Variants in TMEM117 observed in about 807,000 individuals in gnomAD.
The protein encoded by TMEM117 is transmembrane protein 117.
TMEM117 carries 27 observed loss-of-function variants against 52.4 expected under a neutral mutation model. That is an observed-to-expected ratio of 0.51 (90% confidence interval 0.38 to 0.71). TMEM117 has a LOEUF of 0.71. Among genes scored for constraint, TMEM117 ranks in the 30% least tolerant of loss-of-function variants. The probability of loss-of-function intolerance (pLI) is 0.00; values close to 1 mark genes in which losing one functional copy is unlikely to be tolerated. For synonymous variants in TMEM117, 215 were observed against 206.3 expected, an observed-to-expected ratio of 1.04 and a Z score of -0.36; for missense variants, 556 against 630.5, an observed-to-expected ratio of 0.88 and a Z score of 1.26.
At chr12:44,078,862 A>ACACCCCCCCC (rs1947428078) in intron 3 of TMEM117, among the ~76,000 whole-genome samples, 1 of 56,480 alleles carries the variant, frequency 1.8e-5, no homozygotes, top group Non-Finnish European at 3.4e-5. Flanking sequence ...CTCCCCTAGC[A>ACACCCCCCCC]CCCCCCCACC....
intron 2 of TMEM117, among the ~76,000 whole-genome samples, chr12:43,882,151 T>A (rs1370326623): frequency 6.6e-6 from 1 of 152,090 alleles, no homozygotes. Context: ...TAAAATTATG[T>A]GTGAAGCTTG....
chr12:43,838,254 G>A (rs1943063927), intron 1 of TMEM117, among the ~76,000 whole-genome samples: 1 of 151,908 alleles, frequency 6.6e-6, no homozygotes, highest in Non-Finnish European at 1.5e-5. Context: ...ACTGGTCTGT[G>A]TGTATGTGTA....
intron 6 of TMEM117, among the ~76,000 whole-genome samples, chr12:44,345,688 C>T (rs780966616): frequency 3.3e-5 from 5 of 152,042 alleles, no homozygotes; most frequent in Admixed American, 6.6e-5. Flanking sequence ...TTAAAAAGAA[C>T]GCTAATTGCT....
the TMEM117 span, chr12:43,804,105 C>A: frequency 3.3e-6 from 1 of 306,732 alleles, no homozygotes; most frequent in Non-Finnish European, 6.7e-6. Context: ...GTTTGATATC[C>A]TTTGTTTATA....
At chr12:44,351,978 G>A (rs927285215) in intron 6 of TMEM117, among the ~76,000 whole-genome samples, 1 of 151,764 alleles carries the variant, frequency 6.6e-6, no homozygotes, top group South Asian at 2.1e-4. Context: ...CCCAGCAATC[G>A]CCCTCAGTAC....
intron 4 of TMEM117, among the ~76,000 whole-genome samples, chr12:44,146,156 A>G (rs981421199): frequency 6.6e-6 from 1 of 152,150 alleles, no homozygotes; most frequent in Non-Finnish European, 1.5e-5. Flanking sequence ...TTGGATTTCT[A>G]TTCTGCACTT....
intron 5 of TMEM117, among the ~76,000 whole-genome samples, chr12:44,274,006 A>G (rs1950481715): frequency 6.6e-6 from 1 of 152,184 alleles, no homozygotes; most frequent in South Asian, 2.1e-4. Context: ...CCAAATTGGA[A>G]TGGAATAAGT....
intron 3 of TMEM117, among the ~76,000 whole-genome samples, chr12:44,064,912 AG>A (rs780532670): frequency 2.6e-4 from 40 of 152,148 alleles, no homozygotes; most frequent in Non-Finnish European, 4.3e-4. Context: ...CATACAAAAA[AG>A]GGGGGGTAAC....
At chr12:44,370,420 T>C (rs879539436) in intron 6 of TMEM117, among the ~76,000 whole-genome samples, 1 of 152,132 alleles carries the variant, frequency 6.6e-6, no homozygotes, top group Non-Finnish European at 1.5e-5. Flanking sequence ...GTATAACGTT[T>C]ATTTACAAAA....
downstream of TMEM117, among the ~76,000 whole-genome samples, chr12:44,391,351 C>T (rs762508595): frequency 6.6e-6 from 1 of 152,150 alleles, no homozygotes; most frequent in Non-Finnish European, 1.5e-5. Context: ...CCCATGGTAG[C>T]TACTTATGTT....
intron 6 of TMEM117, among the ~76,000 whole-genome samples, chr12:44,312,779 T>C (rs1039434550): frequency 7.2e-5 from 11 of 151,854 alleles, no homozygotes; most frequent in Non-Finnish European, 1.0e-4. Flanking sequence ...GCATCTGTTA[T>C]TTATTTTTAT....
At chr12:44,125,492 T>C (rs778770977) in intron 3 of TMEM117, among the ~76,000 whole-genome samples, 2 of 152,102 alleles carry the variant, frequency 1.3e-5, no homozygotes, top group African/African-American at 2.4e-5. Flanking sequence ...TTCTAGTTTA[T>C]GTGTTAGAAG....
At chr12:43,971,855 T>C (rs1468842265) in intron 3 of TMEM117, among the ~76,000 whole-genome samples, 2 of 152,258 alleles carry the variant, frequency 1.3e-5, no homozygotes, top group African/African-American at 4.8e-5. Flanking sequence ...GTCTAGAACC[T>C]AATCATCTTG....
At chr12:44,196,479 T>C (rs1157272021) in intron 4 of TMEM117, among the ~76,000 whole-genome samples, 2 of 152,008 alleles carry the variant, frequency 1.3e-5, no homozygotes, top group East Asian at 3.9e-4. Flanking sequence ...ATCAGAAAAG[T>C]AAAATGAAAA....
the TMEM117 span, among the ~76,000 whole-genome samples, chr12:44,396,522 T>G: frequency 6.6e-6 from 1 of 152,136 alleles, no homozygotes; most frequent in Non-Finnish European, 1.5e-5. Context: ...AAAATTTGAC[T>G]GAATAACTAC....
chr12:43,933,541 T>C (rs1158705212), intron 2 of TMEM117, among the ~76,000 whole-genome samples: 1 of 151,808 alleles, frequency 6.6e-6, no homozygotes, highest in East Asian at 1.9e-4. Context: ...ATACTTTCTA[T>C]CTCATTGCCC....
chr12:44,203,373 T>C (rs1016666146), intron 4 of TMEM117, among the ~76,000 whole-genome samples: 14 of 152,186 alleles, frequency 9.2e-5, no homozygotes, highest in African/African-American at 3.1e-4. Context: ...GGTAGCACTC[T>C]ATCAATCTTG....
chr12:44,290,431 T>G (rs1272501117), intron 5 of TMEM117, among the ~76,000 whole-genome samples: 1 of 152,200 alleles, frequency 6.6e-6, no homozygotes. Flanking sequence ...TTCTTTTGTA[T>G]GTGGATATTC....
chr12:44,289,684 CTG>C (rs1163992128), intron 5 of TMEM117, among the ~76,000 whole-genome samples: 1 of 151,570 alleles, frequency 6.6e-6, no homozygotes. Flanking sequence ...TCCCGAGTAA[CTG>C]GGATTGCAGG....
Sources: allele counts gnomAD v4.1 joint callset (sites outside exome capture counted in the v4.1 genomes callset), GRCh38; gene constraint gnomAD v4.1.1; transcripts MANE v1.5; gene names NCBI Gene and HGNC (gene_info 2026-07-23, HGNC 2026-07-21).